Variants in YEATS4 observed in about 807,000 individuals in gnomAD.
The protein encoded by YEATS4 is YEATS domain containing 4.
A neutral mutation model predicts 30.1 loss-of-function variants in YEATS4; 17 were observed. The observed-to-expected ratio is 0.56, with a 90% CI of 0.39 to 0.85. YEATS4 has a LOEUF of 0.85. YEATS4 is among the 40% of genes least tolerant of loss of function. YEATS4 has a pLI of 0.00. For missense variants in YEATS4, 142 were observed against 268.3 expected, an observed-to-expected ratio of 0.53 and a Z score of 3.29; for synonymous variants, 85 against 87.5, an observed-to-expected ratio of 0.97 and a Z score of 0.16.
At chr12:69,415,251 C>T in the YEATS4 span, among the ~76,000 whole-genome samples, 4 of 152,164 alleles carry the variant, frequency 2.6e-5, no homozygotes, top group Non-Finnish European at 5.9e-5. Flanking sequence ...CCAGTGTACT[C>T]AGTAGCTCCA....
the YEATS4 span, among the ~76,000 whole-genome samples, chr12:69,398,823 A>G: frequency 2.3e-3 from 316 of 135,872 alleles, 2 homozygotes; most frequent in African/African-American, 9.9e-3. Context: ...TCAAAAAAAA[A>G]AAAAAACGGC....
At chr12:69,387,100 AG>A (rs1868261417) in intron 6 of YEATS4, among the ~76,000 whole-genome samples, 1 of 152,112 alleles carries the variant, frequency 6.6e-6, no homozygotes, top group South Asian at 2.1e-4. Flanking sequence ...ACCATGGATG[AG>A]GGGGGACTAC....
the YEATS4 span, among the ~76,000 whole-genome samples, chr12:69,407,066 T>C: frequency 6.6e-6 from 1 of 152,138 alleles, no homozygotes; most frequent in Admixed American, 6.5e-5. Flanking sequence ...CCTCCCACCT[T>C]GCCCTCCCAA....
At chr12:69,419,528 C>T in the YEATS4 span, among the ~76,000 whole-genome samples, 1 of 152,140 alleles carries the variant, frequency 6.6e-6, no homozygotes, top group Non-Finnish European at 1.5e-5. Flanking sequence ...CCTCAGCCAA[C>T]TTTATAGTCA....
Position 69,359,838 on chromosome 12 carries a change from A to C in YEATS4, c.-135A>C, listed in dbSNP as rs1167168233. On this transcript the variant is annotated 5_prime_UTR_variant, in exon 1 of 7. Transcript: ENST00000247843. ...GACGGTTACTCACCGCCGTGAGCCC[A>C]AGTAACTCGCCCTCCTTCGGCTAGA... 7 of 1,063,266 alleles carry C rather than the reference A, an allele frequency of 6.6e-6. No homozygotes were observed. Among genetic ancestry groups the C allele is most frequent in the Middle Eastern group, 2.8e-4 (1 of 3,530 alleles). 65.9% of individuals were successfully genotyped at this position (1,063,266 alleles called of 1,614,324 possible).
chr12:69,395,683 T>C (rs1388390489), downstream of YEATS4, among the ~76,000 whole-genome samples: 1 of 152,128 alleles, frequency 6.6e-6, no homozygotes, highest in Non-Finnish European at 1.5e-5. Flanking sequence ...AAAACAGATG[T>C]CTTGATTAAC....
chr12:69,373,309 C>G, intron 6 of YEATS4, among the ~76,000 whole-genome samples: 1 of 152,058 alleles, frequency 6.6e-6, no homozygotes, highest in Non-Finnish European at 1.5e-5. Context: ...TTGTTATTGC[C>G]TGTCTTTTCG....
the YEATS4 span, among the ~76,000 whole-genome samples, chr12:69,420,436 G>A: frequency 0.04 from 6,074 of 152,194 alleles, 177 homozygotes; most frequent in Non-Finnish European, 0.062. Context: ...AAGATGACAA[G>A]TTGTGTTTCA....
chr12:69,395,302 A>G (rs1019303940), downstream of YEATS4, among the ~76,000 whole-genome samples: 14 of 152,156 alleles, frequency 9.2e-5, no homozygotes, highest in Non-Finnish European at 1.8e-4. Flanking sequence ...ATTATTTACA[A>G]TAAAAAATAG....
At chr12:69,376,776 G>A (rs1875890550) in intron 6 of YEATS4, among the ~76,000 whole-genome samples, 1 of 152,188 alleles carries the variant, frequency 6.6e-6, no homozygotes, top group Admixed American at 6.5e-5. Context: ...AGTAGGGTTG[G>A]TATTAGTTCT....
At chr12:69,363,083 C>T (rs1040219604) in intron 2 of YEATS4, 176 bp downstream of exon 2, 99 of 405,090 alleles carry the variant, frequency 2.4e-4, no homozygotes, top group Middle Eastern at 1.7e-3. Flanking sequence ...AGCTCCGCCT[C>T]CCGGGTTCAC....
intron 4 of YEATS4, among the ~76,000 whole-genome samples, chr12:69,367,370 A>AT (rs34098313): frequency 0.4 from 60,479 of 150,498 alleles, 12,349 homozygotes; most frequent in Non-Finnish European, 0.46. Context: ...TTTGGCAATA[A>AT]TTTTTTTTTT....
At chr12:69,395,647 A>G (rs551700896), downstream of YEATS4, among the ~76,000 whole-genome samples, 8 of 152,336 alleles carry the variant, frequency 5.3e-5, no homozygotes, top group East Asian at 1.3e-3. Flanking sequence ...GAGAATAAAA[A>G]TAGTTTAAAA....
chr12:69,388,981 A>G (rs970785447), intron 6 of YEATS4, among the ~76,000 whole-genome samples: 1 of 152,138 alleles, frequency 6.6e-6, no homozygotes, highest in African/African-American at 2.4e-5. Context: ...CTCAACAAAT[A>G]ATATTATGAA....
chr12:69,385,200 G>A (rs1290613912), intron 6 of YEATS4, among the ~76,000 whole-genome samples: 1 of 151,362 alleles, frequency 6.6e-6, no homozygotes, highest in Non-Finnish European at 1.5e-5. Flanking sequence ...TTTTTGTAGG[G>A]GCAGGTTTCT....
the YEATS4 span, among the ~76,000 whole-genome samples, chr12:69,406,578 T>A: frequency 9.3e-5 from 14 of 150,286 alleles, no homozygotes; most frequent in South Asian, 2.7e-3. Flanking sequence ...TTTTTAAAAA[T>A]TCTGAGTAAG....
At chr12:69,417,808 TG>T in the YEATS4 span, among the ~76,000 whole-genome samples, 1 of 151,420 alleles carries the variant, frequency 6.6e-6, no homozygotes, top group African/African-American at 2.4e-5. Flanking sequence ...CTGGCATTTT[TG>T]TTGCGTGTCT....
chr12:69,370,826 A>G, intron 5 of YEATS4, 28 bp downstream of exon 5: 5 of 1,595,926 alleles, frequency 3.1e-6, no homozygotes, highest in Non-Finnish European at 4.3e-6. Flanking sequence ...TGATAGTTTT[A>G]AAAGCATTTG....
intron 6 of YEATS4, among the ~76,000 whole-genome samples, chr12:69,378,181 T>C (rs1308006026): frequency 6.6e-6 from 1 of 152,216 alleles, no homozygotes; most frequent in Non-Finnish European, 1.5e-5. Context: ...TGATTTTGCA[T>C]GCAATATCTT....
Sources: gnomAD v4.1 joint callset for allele counts (sites outside exome capture counted in the v4.1 genomes callset) on GRCh38, gnomAD v4.1.1 for gene constraint, MANE v1.5 for transcripts, NCBI Gene and HGNC (gene_info 2026-07-23, HGNC 2026-07-21) for gene names.